The following CEP128 variants were observed in gnomAD, a reference collection of about 807,000 sequenced individuals.
CEP128 encodes the protein centrosomal protein 128, also known as centrosomal protein 128kDa.
In CEP128, 132 loss-of-function variants were observed where a neutral mutation model predicts 156.7. The ratio of observed to expected loss-of-function variants is 0.84; its 90% confidence interval spans 0.73 to 0.97. The LOEUF is 0.97. Ranked by LOEUF, CEP128 falls within the 50% of genes least tolerant of loss-of-function variation. CEP128 has a pLI of 0.00. For missense variants in CEP128, 1,252 were observed against 1,281.9 expected (o/e 0.98, Z 0.36); for synonymous variants, 469 against 448.9 (o/e 1.04, Z -0.57).
At chr14:80,484,766 T>A (rs1887124640) in intron 14 of CEP128, among the ~76,000 whole-genome samples, 1 of 151,746 alleles carries the variant, frequency 6.6e-6, no homozygotes, top group African/African-American at 2.4e-5. Context: ...TTTTTCCAGT[T>A]CACTTGTAAT....
At chr14:80,523,550 A>G (rs1477125560) in intron 23 of CEP128, among the ~76,000 whole-genome samples, 1 of 152,214 alleles carries the variant, frequency 6.6e-6, no homozygotes, top group East Asian at 1.9e-4. Flanking sequence ...TAGAAATCCA[A>G]TAAATGTTTG....
At chr14:80,739,622 A>G (rs1898703747) in intron 19 of CEP128, among the ~76,000 whole-genome samples, 1 of 152,068 alleles carries the variant, frequency 6.6e-6, no homozygotes. Context: ...TATTTTAGAC[A>G]CAAAGTTTTA....
chr14:80,479,628 G>A (rs779016341), intron 14 of CEP128, among the ~76,000 whole-genome samples: 20 of 152,128 alleles, frequency 1.3e-4, no homozygotes, highest in Admixed American at 3.3e-4. Flanking sequence ...AATACAAGTT[G>A]AGATTTTGGT....
At chr14:80,901,097 T>A (rs977505786) in intron 6 of CEP128, among the ~76,000 whole-genome samples, 1 of 151,744 alleles carries the variant, frequency 6.6e-6, no homozygotes, top group Non-Finnish European at 1.5e-5. Context: ...TCCCAGCTAC[T>A]CGGGAGGCTG....
At chr14:80,544,524 T>C (rs1323583907) in intron 21 of CEP128, among the ~76,000 whole-genome samples, 2 of 152,204 alleles carry the variant, frequency 1.3e-5, no homozygotes. Context: ...AATTCCATCA[T>C]GCAGGCTCCA....
At chr14:80,548,152 T>A (rs578128647) in intron 21 of CEP128, among the ~76,000 whole-genome samples, 72 of 151,154 alleles carry the variant, frequency 4.8e-4, no homozygotes, top group African/African-American at 2.7e-4. Context: ...GAAAAAAAAA[T>A]AATAATAATT....
intron 19 of CEP128, among the ~76,000 whole-genome samples, chr14:80,672,615 C>T (rs773794284): frequency 6.6e-6 from 1 of 152,120 alleles, no homozygotes; most frequent in Non-Finnish European, 1.5e-5. Flanking sequence ...CCTTGATTTT[C>T]ACTGTCAACT....
intron 20 of CEP128, among the ~76,000 whole-genome samples, chr14:80,563,894 A>G (rs554627189): frequency 3.9e-4 from 60 of 152,322 alleles, no homozygotes; most frequent in African/African-American, 1.3e-3. Context: ...TCATAAAAAT[A>G]AATTATTGTA....
chr14:80,810,529 T>G (rs1350602398), intron 13 of CEP128, among the ~76,000 whole-genome samples: 3 of 152,068 alleles, frequency 2.0e-5, no homozygotes, highest in African/African-American at 7.2e-5. Context: ...TGGATTTGAT[T>G]TCCTTGTATT....
At position 80,785,316 on chromosome 14, in the gene CEP128, T is replaced by C; in HGVS notation, c.1790A>G (p.Lys597Arg). 6.2e-7 allele frequency: 1 copy of C among 1,614,176 alleles called. No homozygotes were observed. Among genetic ancestry groups the C allele is most frequent in the Non-Finnish European group, 8.5e-7 (1 of 1,180,016 alleles). The change falls in exon 15 of 25, where the codon AAG becomes AGG. Residue 597 changes from lysine (K) to arginine (R), a missense_variant. Physicochemically the swap from Lys to Arg is conservative, Grantham distance 26 (BLOSUM62 2). Coordinates refer to ENST00000555265, the MANE Select transcript of CEP128 (RefSeq NM_152446.5). ...TIHRLESELKKQSKIQSQMKV... is the reference protein window; with the variant it reads ...TIHRLESELKRQSKIQSQMKV... Reference sequence around the variant, plus strand: ...CATCTGGCTTTGGATCTTACTCTGCTTTTTCAATTCGCTCTCCAGTCTATG... The same window carrying C: ...CATCTGGCTTTGGATCTTACTCTGCCTTTTCAATTCGCTCTCCAGTCTATG...
chr14:80,560,452 T>C (rs1359431952), intron 20 of CEP128, among the ~76,000 whole-genome samples: 1 of 151,826 alleles, frequency 6.6e-6, no homozygotes, highest in East Asian at 1.9e-4. Context: ...ATAAAAGAAC[T>C]AGAGGAAATA....
intron 2 of CEP128, among the ~76,000 whole-genome samples, chr14:80,922,481 TAAAG>T (rs1884920437): frequency 6.6e-6 from 1 of 152,194 alleles, no homozygotes; most frequent in African/African-American, 2.4e-5. Context: ...ATGACTCACT[TAAAG>T]AAACATTCTA....
intron 23 of CEP128, among the ~76,000 whole-genome samples, chr14:80,513,649 C>T (rs1448204258): frequency 6.6e-6 from 1 of 152,068 alleles, no homozygotes; most frequent in Non-Finnish European, 1.5e-5. Flanking sequence ...TTTAATCTTG[C>T]CCAAATTCCT....
chr14:80,766,000 T>C (rs1900219502), intron 16 of CEP128, among the ~76,000 whole-genome samples: 4 of 152,182 alleles, frequency 2.6e-5, no homozygotes, highest in Admixed American at 2.6e-4. Context: ...AAATCAAAAA[T>C]TAAATTCTGA....
chr14:80,818,316 G>A (rs1178897017), intron 13 of CEP128, among the ~76,000 whole-genome samples: 1 of 152,188 alleles, frequency 6.6e-6, no homozygotes, highest in Non-Finnish European at 1.5e-5. Context: ...ACCGTGCCCA[G>A]TCTACTAAAT....
intron 9 of CEP128, among the ~76,000 whole-genome samples, chr14:80,852,178 C>T (rs534582167): frequency 2.6e-5 from 4 of 151,870 alleles, no homozygotes; most frequent in South Asian, 4.1e-4. Flanking sequence ...GGAGTACTTA[C>T]AAAAAATTGG....
chr14:80,635,290 T>C (rs951289832), intron 19 of CEP128, among the ~76,000 whole-genome samples: 1 of 152,180 alleles, frequency 6.6e-6, no homozygotes, highest in African/African-American at 2.4e-5. Flanking sequence ...TGATTTTGAA[T>C]GAGAATAGAC....
intron 21 of CEP128, among the ~76,000 whole-genome samples, chr14:80,556,557 G>C (rs1223899231): frequency 1.3e-5 from 2 of 152,134 alleles, no homozygotes; most frequent in Non-Finnish European, 2.9e-5. Flanking sequence ...ATGTGACTGT[G>C]ACCTAAGCAG....
chr14:80,534,721 A>G (rs534589282), intron 21 of CEP128, among the ~76,000 whole-genome samples: 2 of 145,864 alleles, frequency 1.4e-5, no homozygotes, highest in South Asian at 4.6e-4. Context: ...GCTACTTGGG[A>G]GGCTGAGGCA....
Sources: allele counts gnomAD v4.1 joint callset (sites outside exome capture counted in the v4.1 genomes callset), GRCh38; gene constraint gnomAD v4.1.1; transcripts MANE v1.5; gene names NCBI Gene and HGNC (gene_info 2026-07-23, HGNC 2026-07-21).